Variants in MYO5A observed in about 807,000 individuals in gnomAD.
MYO5A encodes the protein myosin VA, also known as unconventional myosin-Va.
MYO5A carries 98 observed loss-of-function variants against 249.7 expected under a neutral mutation model. The observed-to-expected ratio is 0.39, with a 90% confidence interval of 0.33 to 0.46. The LOEUF (loss-of-function observed/expected upper bound fraction) is 0.46, where lower values mean the gene tolerates loss of function less well. MYO5A is among the 20% of genes least tolerant of loss of function. The pLI is 0.98. For missense variants in MYO5A, 1,696 were observed against 2,308.8 expected, an observed-to-expected ratio of 0.73 and a Z score of 5.44; for synonymous variants, 778 against 810.6, an observed-to-expected ratio of 0.96 and a Z score of 0.68.
At chr15:52,393,706 T>C (rs2042362151) in intron 11 of MYO5A, among the ~76,000 whole-genome samples, 1 of 152,182 alleles carries the variant, frequency 6.6e-6, no homozygotes, top group Non-Finnish European at 1.5e-5. Flanking sequence ...TTTACAGTGT[T>C]TACAGTCTAA....
chr15:52,342,988 A>G (rs1048606340), intron 31 of MYO5A, 129 bp downstream of exon 31: 1 of 773,608 alleles, frequency 1.3e-6, no homozygotes, highest in African/African-American at 1.7e-5. Context: ...AAATAACACA[A>G]TTACTAACAC....
rs368522126 is a variant in MYO5A, at chr15:52,521,777, G to C, written c.27+7003C>G. 2.6e-5 allele frequency among the ~76,000 whole-genome samples: 4 copies of C among 152,356 alleles called. No homozygotes were observed. The East Asian group carries it at 7.7e-4, about 29-fold the overall frequency. ...AGGGCTTAGAAGAGAAATGGAGAATGCCTGAGGCATGAAGAGCCAGGGATA... is the reference window on the plus strand; with the variant it reads ...AGGGCTTAGAAGAGAAATGGAGAATCCCTGAGGCATGAAGAGCCAGGGATA... On this transcript the variant is annotated intron_variant, in intron 1 of 41. Transcript: ENST00000399233.
intron 36 of MYO5A, among the ~76,000 whole-genome samples, chr15:52,326,646 A>G (rs915537684): frequency 6.6e-6 from 1 of 152,236 alleles, no homozygotes; most frequent in Non-Finnish European, 1.5e-5. Flanking sequence ...TGGCTGTGCA[A>G]CAATGTGAAC....
intron 1 of MYO5A, among the ~76,000 whole-genome samples, chr15:52,455,798 G>T: frequency 6.6e-6 from 1 of 151,372 alleles, no homozygotes; most frequent in Admixed American, 6.6e-5. Context: ...TCAACAAAGT[G>T]GTTACAGAAG....
At chr15:52,379,497 T>C (rs539445688) in intron 18 of MYO5A, 128 bp downstream of exon 18, 19 of 784,828 alleles carry the variant, frequency 2.4e-5, no homozygotes, top group African/African-American at 1.2e-4. Context: ...CACAGTAGTG[T>C]GCCCCTCTCT....
chr15:52,408,176 T>A, intron 6 of MYO5A, 36 bp from the exon 7 acceptor site: 1 of 1,207,668 alleles, frequency 8.3e-7, no homozygotes, highest in Non-Finnish European at 1.2e-6. Flanking sequence ...TACAGCATTT[T>A]AATCTAAAAT....
chr15:52,421,213 T>C (rs978890189), intron 4 of MYO5A, among the ~76,000 whole-genome samples: 2 of 152,144 alleles, frequency 1.3e-5, no homozygotes, highest in African/African-American at 2.4e-5. Flanking sequence ...TCATCTCTAA[T>C]AGTTTGCAGT....
intron 1 of MYO5A, among the ~76,000 whole-genome samples, chr15:52,498,665 A>C (rs1263129052): frequency 1.3e-5 from 2 of 152,150 alleles, no homozygotes; most frequent in African/African-American, 4.8e-5. Context: ...AGATATTATT[A>C]CTTTTTATAT....
chr15:52,503,806 T>C lies in MYO5A; in HGVS notation c.27+24974A>G, dbSNP rs115217323. Among the ~76,000 whole-genome samples the C allele has an allele frequency of 2.2e-3, 328 of 152,300 alleles. 1 individual carries two copies. Among genetic ancestry groups the C allele is most frequent in the African/African-American group, 7.5e-3 (313 of 41,566 alleles). On this transcript the variant is annotated intron_variant, in intron 1 of 41. Coordinates refer to ENST00000399233, the MANE Select transcript of MYO5A (RefSeq NM_001382347.1). ...TTCCACAAGGGTCCTATGTATTTTC[T>C]CACTTCTAAGAGGTATTATCTACCT... is the stretch of plus-strand genomic sequence containing the variant.
chr15:52,477,855 G>C (rs903550339), intron 1 of MYO5A, among the ~76,000 whole-genome samples: 3 of 152,202 alleles, frequency 2.0e-5, no homozygotes, highest in African/African-American at 7.2e-5. Context: ...GCTACTCAGG[G>C]GTCAGGGACC....
chr15:52,521,419 T>C (rs1458225508), intron 1 of MYO5A, among the ~76,000 whole-genome samples: 1 of 152,184 alleles, frequency 6.6e-6, no homozygotes, highest in Non-Finnish European at 1.5e-5. Context: ...GCAGGATTCC[T>C]GGCCAGGACT....
chr15:52,366,682 A>G (rs1223022111), intron 23 of MYO5A, among the ~76,000 whole-genome samples: 1 of 151,518 alleles, frequency 6.6e-6, no homozygotes, highest in African/African-American at 2.4e-5. Flanking sequence ...AAATATACAC[A>G]TATCAGCTCA....
At chr15:52,382,872 C>G (rs1170197090) in intron 16 of MYO5A, among the ~76,000 whole-genome samples, 1 of 152,192 alleles carries the variant, frequency 6.6e-6, no homozygotes, top group Non-Finnish European at 1.5e-5. Flanking sequence ...CTCAAGTTTT[C>G]AAATCTTCAG....
At chr15:52,433,714 G>A (rs1268144068) in intron 1 of MYO5A, among the ~76,000 whole-genome samples, 1 of 152,004 alleles carries the variant, frequency 6.6e-6, no homozygotes, top group African/African-American at 2.4e-5. Context: ...GAGCCACCAC[G>A]TCCAGCTGAA....
intron 2 of MYO5A, among the ~76,000 whole-genome samples, chr15:52,429,824 C>T (rs1403981559): frequency 6.6e-6 from 1 of 152,168 alleles, no homozygotes; most frequent in African/African-American, 2.4e-5. Flanking sequence ...AGGCTGATCT[C>T]GAACTCCTGG....
intron 1 of MYO5A, among the ~76,000 whole-genome samples, chr15:52,448,081 C>T (rs559630203): frequency 7.2e-5 from 11 of 152,210 alleles, no homozygotes; most frequent in African/African-American, 1.2e-4. Context: ...ACAGTGACAG[C>T]TTACACCATG....
chr15:52,356,576 A>AT (rs976387330), intron 25 of MYO5A, among the ~76,000 whole-genome samples: 1 of 151,586 alleles, frequency 6.6e-6, no homozygotes, highest in African/African-American at 2.4e-5. Context: ...GTTGTTTCTA[A>AT]TTTTTTGCTA....
At chr15:52,416,023 AT>A in intron 5 of MYO5A, 121 bp downstream of exon 5, 7 of 1,171,468 alleles carry the variant, frequency 6.0e-6, no homozygotes, top group Non-Finnish European at 8.6e-6. Flanking sequence ...GTAGAAAAGC[AT>A]TTTCTTAATT....
rs564623337 is a variant in MYO5A, at chr15:52,379,321, A to G, written c.2208+304T>C. ...TGAGAACAAGCTTTATTTTTTCTTA[A>G]TCACACAGCATTTGGCCTGGTGTCT... On this transcript the variant is annotated intron_variant, in intron 18 of 41. Coordinates refer to ENST00000399233, the MANE Select transcript of MYO5A (RefSeq NM_001382347.1). 1.1e-4 allele frequency among the ~76,000 whole-genome samples: 17 copies of G among 152,302 alleles called. No homozygotes were observed. The South Asian group carries it at 2.7e-3, about 24-fold the overall frequency.
Sources: gnomAD v4.1 joint callset for allele counts (sites outside exome capture counted in the v4.1 genomes callset) on GRCh38, gnomAD v4.1.1 for gene constraint, MANE v1.5 for transcripts, NCBI Gene and HGNC (gene_info 2026-07-23, HGNC 2026-07-21) for gene names.